The following ZBTB12 variants were observed in gnomAD, a reference collection of about 807,000 sequenced individuals.
ZBTB12 encodes zinc finger and BTB domain containing 12.
In ZBTB12, 1 loss-of-function variant was observed where a neutral mutation model predicts 6.4. The observed-to-expected ratio is 0.16, with a 90% CI of 0.06 to 0.74. The LOEUF (loss-of-function observed/expected upper bound fraction) is 0.74. Among genes scored for constraint, ZBTB12 ranks in the 30% least tolerant of loss-of-function variants. The pLI, the probability that ZBTB12 is intolerant of heterozygous loss-of-function variation, is 0.78. For synonymous variants in ZBTB12, 273 were observed against 262.5 expected (o/e 1.04, Z -0.39); for missense variants, 344 against 613.9 (o/e 0.56, Z 4.65).
chr6:31,900,277 C>T lies in ZBTB12; in HGVS notation c.1029G>A (p.Gln343=), dbSNP rs754946559. 1 of 1,613,388 alleles carries T rather than the reference C, an allele frequency of 6.2e-7. No homozygotes were observed. The highest frequency in any genetic ancestry group is 1.3e-5 in the African/African-American group (1 of 75,034). Residue 343 remains glutamine, a synonymous_variant, in exon 2 of 2, where the codon CAG becomes CAA. Transcript: ENST00000375527. This position sits in a 1 kb window ranked among gnomAD's most constrained non-coding sequence, Gnocchi z 9.7. ...TGTGGAAGACCAGCTTCTCCACGCC[C>T]TGGAACACTTCCGGGCACTTGGTGC... ...IKCTKCPEVF[Q]GVEKLVFHMR... is the part of the protein sequence containing the mutation.
At position 31,901,984 on chromosome 6, in the gene ZBTB12, G is replaced by A. The variant is rs1767351149; in HGVS notation, c.-168C>T. The stretch of plus-strand genomic sequence containing the variant: ...CGCGCGCGCGCGCGGGGCCGGCTCC[G>A]CGTGGGCGTAAGGGGGGAGGGGCGG... On this transcript the variant is annotated 5_prime_UTR_variant, in exon 1 of 2. Transcript: ENST00000375527. 6.7e-6 allele frequency: 1 copy of A among 148,508 alleles called. No homozygotes were observed. Among genetic ancestry groups the A allele is most frequent in the Non-Finnish European group, 1.5e-5 (1 of 66,708 alleles). 9.2% of individuals were successfully genotyped at this position (148,508 alleles called of 1,614,324 possible).
chr6:31,900,936 T>C lies in ZBTB12; in HGVS notation c.370A>G (p.Ser124Gly). ...HVVEKCRNALSQFIEPKIGLK... is the reference protein window; with the variant it reads ...HVVEKCRNALGQFIEPKIGLK... ...CCTATTTTGGGCTCAATGAACTGGC[T>C]GAGGGCATTCCGGCATTTCTCCACC... The change falls in exon 2 of 2, where the codon AGC (serine) becomes GGC (glycine). Residue 124 changes from serine to glycine, a missense_variant. By Grantham distance (56) the Ser-to-Gly change is moderately conservative. This residue lies in a region of ZBTB12 where 241 missense variants were observed against 315.4 expected (regional missense o/e 0.76). Coordinates refer to ENST00000375527, the MANE Select transcript of ZBTB12 (RefSeq NM_181842.3). The surrounding 1 kb of genome is among the most constrained non-coding windows in gnomAD (Gnocchi z 9.7). 1 of 1,614,172 alleles carries C rather than the reference T, an allele frequency of 6.2e-7. No individual in the cohort carries two copies. The highest frequency in any genetic ancestry group is 8.5e-7 in the Non-Finnish European group (1 of 1,180,024).
chr6:31,899,750 C>T lies in ZBTB12; in HGVS notation c.*176G>A. On this transcript the variant is annotated 3_prime_UTR_variant, in exon 2 of 2. Transcript: ENST00000375527. ...TCCCAGCTCCAGATTCTTGCACTCT[C>T]AAGAGCAAGTCTCTCCAAGGAATCA... The T allele has an allele frequency of 1.4e-6, 1 of 698,670 alleles. No individual in the cohort carries two copies. Among genetic ancestry groups the T allele is most frequent in the Non-Finnish European group, 2.3e-6 (1 of 433,160 alleles). 43.3% of individuals were successfully genotyped at this position (698,670 alleles called of 1,614,324 possible). A position where few individuals can be genotyped will look rare whatever the true frequency, so the allele number is the denominator to read the frequency against.
Position 31,901,126 on chromosome 6 carries a change from G to A in ZBTB12, c.180C>T (p.Asp60=). 1 of 1,614,012 alleles carries A rather than the reference G, an allele frequency of 6.2e-7. No individual in the cohort carries two copies. The highest frequency in any genetic ancestry group is 8.5e-7 in the Non-Finnish European group (1 of 1,180,040). The change falls in exon 2 of 2, where the codon GAC becomes GAT. Residue 60 remains aspartate (D), a synonymous_variant. Coordinates refer to ENST00000375527, the MANE Select transcript of ZBTB12 (RefSeq NM_181842.3). ...ILAACSPFLR[D]QFLLNPSSEL... ...CCGAGCTGGGGTTCAGCAGGAACTGGTCCCGCAGGAAGGGTGAGCAGGCGG... is the reference window on the plus strand; with the variant it reads ...CCGAGCTGGGGTTCAGCAGGAACTGATCCCGCAGGAAGGGTGAGCAGGCGG...
intron 1 of ZBTB12, 58 bp from the exon 2 acceptor site, chr6:31,901,383 T>C: frequency 6.9e-7 from 1 of 1,440,146 alleles, no homozygotes; most frequent in Non-Finnish European, 9.2e-7. Context: ...AAGCCAAGGC[T>C]CCAGGACCCT....
chr6:31,900,555 C>G lies in ZBTB12; in HGVS notation c.751G>C (p.Val251Leu). The change falls in exon 2 of 2, where the codon GTT (valine) becomes CTT (leucine). Residue 251 changes from valine to leucine, a missense_variant. Val to Leu is a conservative substitution (Grantham distance 32). This residue lies in a region of ZBTB12 where 241 missense variants were observed against 315.4 expected (regional missense o/e 0.76). Coordinates refer to ENST00000375527, the MANE Select transcript of ZBTB12 (RefSeq NM_181842.3). The surrounding 1 kb of genome is among the most constrained non-coding windows in gnomAD (Gnocchi z 9.7). ...GGTGGGGCTACAGTGCTGGGGGGAA[C>G]GCTGCTCTGGGCCAGCTCCCCAAGG... ...GHLGELAQSSVPPSTVAPPQG... is the reference protein window; with the variant it reads ...GHLGELAQSSLPPSTVAPPQG... The G allele has an allele frequency of 1.2e-6, 2 of 1,611,946 alleles. No homozygotes were observed. The highest frequency in any genetic ancestry group is 1.7e-6 in the Non-Finnish European group (2 of 1,179,706).
intron 1 of ZBTB12, 87 bp downstream of exon 1, chr6:31,901,750 C>G (rs1339646848): frequency 5.1e-6 from 1 of 196,624 alleles, no homozygotes; most frequent in African/African-American, 2.4e-5. Flanking sequence ...CCGCCGCCAG[C>G]ACGCACCGTG....
Position 31,899,895 on chromosome 6 carries a change from C to A in ZBTB12, c.*31G>T. On this transcript the variant is annotated 3_prime_UTR_variant, in exon 2 of 2. Transcript: ENST00000375527. ...GCCCTTTTTCCACGCAGCCCAGGGG[C>A]CCCAGCCTCCTGGCCTCCACGCCTG... The A allele has an allele frequency of 1.3e-6, 2 of 1,536,942 alleles. No individual in the cohort carries two copies. The highest frequency in any genetic ancestry group is 1.7e-6 in the Non-Finnish European group (2 of 1,143,072).
Position 31,900,498 on chromosome 6 carries a change from A to G in ZBTB12, c.808T>C (p.Ser270Pro), listed in dbSNP as rs533707867. 6.5e-5 allele frequency: 105 copies of G among 1,610,270 alleles called. No individual in the cohort carries two copies. In the African/African-American group the frequency reaches 1.3e-3, roughly 20 times the overall value. ...AGGCCCTCCCCTTCTGCATCTTCCG[A>G]CAGGCTATAGCAGGCCTTCACCACA... ...QGVVKACYSL[S>P]EDAEGEGLLL... Residue 270 changes from serine (S) to proline (P), a missense_variant, in exon 2 of 2, where the codon TCG becomes CCG. Physicochemically the swap from Ser to Pro is moderately conservative, Grantham distance 74. Around this residue, in one of 5 missense-constraint regions of ZBTB12, gnomAD observed 241 missense variants for 315.4 expected, o/e 0.76. Transcript: ENST00000375527. The surrounding 1 kb of genome is among the most constrained non-coding windows in gnomAD (Gnocchi z 9.7).
chr6:31,901,090 G>A lies in ZBTB12; in HGVS notation c.216C>T (p.Val72=). 1 of 1,614,166 alleles carries A rather than the reference G, an allele frequency of 6.2e-7. No individual in the cohort carries two copies. The highest frequency in any genetic ancestry group is 8.5e-7 in the Non-Finnish European group (1 of 1,180,052). Residue 72 remains valine, a synonymous_variant, in exon 2 of 2, where the codon GTC becomes GTT. Coordinates refer to ENST00000375527, the MANE Select transcript of ZBTB12 (RefSeq NM_181842.3). ...CGATGCGTGCACTGTGCATCAGGGA[G>A]ACCTGCAGCTCCGAGCTGGGGTTCA... is the stretch of plus-strand genomic sequence containing the variant. The part of the protein sequence containing the change: ...FLLNPSSELQ[V]SLMHSARIVA...
Position 31,902,045 on chromosome 6 carries a change from CGCG to C in ZBTB12, c.-232_-230del, listed in dbSNP as rs753112023. ...TGCCGTGTGTTCCAGGCCCCGCGCG[CGCG>C]GCGGCGGCGGCGTCGGCTAGGACTC... On this transcript the variant is annotated 5_prime_UTR_variant, in exon 1 of 2. Transcript: ENST00000375527. 4.1e-4 allele frequency: 61 copies of C among 150,580 alleles called. No individual in the cohort carries two copies. The highest frequency in any genetic ancestry group is 9.0e-4 in the African/African-American group (37 of 40,968). The allele number at this position is 150,580 out of a possible 1,614,324, so 9.3% of individuals were successfully genotyped here. A position where few individuals can be genotyped will look rare whatever the true frequency, so the allele number is the denominator to read the frequency against.
At position 31,900,438 on chromosome 6, in the gene ZBTB12, C is replaced by T; in HGVS notation, c.868G>A (p.Ala290Thr). Residue 290 changes from alanine to threonine, a missense_variant, in exon 2 of 2, where the codon GCC becomes ACC. Transcript: ENST00000375527. This position sits in a 1 kb window ranked among gnomAD's most constrained non-coding sequence, Gnocchi z 9.7. ...GCTGCTTCCACCAGGCCCGAGGTGG[C>T]CCCCACGCTGGCCCGGCCTCCGGGA... ...LIPGGRASVG[A>T]TSGLVEAAAV... The T allele has an allele frequency of 1.3e-6, 2 of 1,560,284 alleles. No individual in the cohort carries two copies. The highest frequency in any genetic ancestry group is 1.7e-6 in the Non-Finnish European group (2 of 1,153,866).
rs111592556 is a variant in ZBTB12, at chr6:31,902,011, G to C, written c.-195C>G. 1 of 150,040 alleles carries C rather than the reference G, an allele frequency of 6.7e-6. No homozygotes were observed. Among genetic ancestry groups the C allele is most frequent in the African/African-American group, 2.4e-5 (1 of 40,994 alleles). 9.3% of individuals were successfully genotyped at this position (150,040 alleles called of 1,614,324 possible). On this transcript the variant is annotated 5_prime_UTR_variant, in exon 1 of 2. Transcript: ENST00000375527. ...GTGGGCGTAAGGGGGGAGGGGCGGG[G>C]GCGGCTCGTGCCGTGTGTTCCAGGC...
intron 1 of ZBTB12, 79 bp downstream of exon 1, chr6:31,901,757 CG>C (rs1767304532): frequency 5.5e-6 from 1 of 182,740 alleles, no homozygotes; most frequent in Non-Finnish European, 1.2e-5. Context: ...CAGCACGCAC[CG>C]TGCACGCCCT....
chr6:31,900,084 G>A lies in ZBTB12; in HGVS notation c.1222C>T (p.Leu408=). 4 of 1,613,534 alleles carry A rather than the reference G, an allele frequency of 2.5e-6. No homozygotes were observed. Among genetic ancestry groups the A allele is most frequent in the Non-Finnish European group, 3.4e-6 (4 of 1,179,644 alleles). Residue 408 remains leucine, a synonymous_variant, in exon 2 of 2, where the codon CTG becomes TTG. Coordinates refer to ENST00000375527, the MANE Select transcript of ZBTB12 (RefSeq NM_181842.3). This position sits in a 1 kb window ranked among gnomAD's most constrained non-coding sequence, Gnocchi z 9.7. ...QKSTLHDHLN[L]HSGARPYRCS... is the part of the protein sequence containing the mutation. ...CGGTAGGGCCGCGCTCCCGAGTGCA[G>A]GTTGAGGTGGTCGTGAAGGGTGGAC...
In ZBTB12 at chr6:31,900,138, C is replaced by T. The variant is rs1767088168; in HGVS notation, c.1168G>A (p.Gly390Ser). The change falls in exon 2 of 2, where the codon GGC (glycine) becomes AGC (serine). Residue 390 changes from glycine (G) to serine (S), a missense_variant. Gly to Ser is a moderately conservative substitution (Grantham distance 56). This residue lies in a region of ZBTB12 where 21 missense variants were observed against 122.6 expected (regional missense o/e 0.17). Coordinates refer to ENST00000375527, the MANE Select transcript of ZBTB12 (RefSeq NM_181842.3). The surrounding 1 kb of genome is among the most constrained non-coding windows in gnomAD (Gnocchi z 9.7). ...TGTGTGAAGCACTTGCCGCAGATGC[C>T]GCACGAGTGTGACTTGACACCACGA... ...VHRGVKSHSC[G>S]ICGKCFTQKS... The T allele has an allele frequency of 6.2e-7, 1 of 1,614,104 alleles. No individual in the cohort carries two copies. Among genetic ancestry groups the T allele is most frequent in the Admixed American group, 1.7e-5 (1 of 60,038 alleles).
rs1162506454 is a variant in ZBTB12, at chr6:31,902,034, G to C, written c.-218C>G. The C allele has an allele frequency of 1.3e-5, 2 of 150,886 alleles. No homozygotes were observed. Among genetic ancestry groups the C allele is most frequent in the Admixed American group, 6.6e-5 (1 of 15,140 alleles). The allele number at this position is 150,886 out of a possible 1,614,324, so 9.3% of individuals were successfully genotyped here. A position where few individuals can be genotyped will look rare whatever the true frequency, so the allele number is the denominator to read the frequency against. On this transcript the variant is annotated 5_prime_UTR_variant, in exon 1 of 2. Transcript: ENST00000375527. ...GGGGCGGCTCGTGCCGTGTGTTCCA[G>C]GCCCCGCGCGCGCGGCGGCGGCGGC...
In ZBTB12 at chr6:31,900,929, A is replaced by T; in HGVS notation, c.377T>A (p.Phe126Tyr). Residue 126 changes from phenylalanine (F) to tyrosine (Y), a missense_variant, in exon 2 of 2, where the codon TTC becomes TAC. Coordinates refer to ENST00000375527, the MANE Select transcript of ZBTB12 (RefSeq NM_181842.3). The surrounding 1 kb of genome is among the most constrained non-coding windows in gnomAD (Gnocchi z 9.7). ...TTTGAGGCCTATTTTGGGCTCAATG[A>T]ACTGGCTGAGGGCATTCCGGCATTT... ...VEKCRNALSQFIEPKIGLKED... is the reference protein window; with the variant it reads ...VEKCRNALSQYIEPKIGLKED... 1 of 1,614,166 alleles carries T rather than the reference A, an allele frequency of 6.2e-7. No homozygotes were observed. The highest frequency in any genetic ancestry group is 8.5e-7 in the Non-Finnish European group (1 of 1,180,032).
chr6:31,899,890 A>G lies in ZBTB12; in HGVS notation c.*36T>C. On this transcript the variant is annotated 3_prime_UTR_variant, in exon 2 of 2. Coordinates refer to ENST00000375527, the MANE Select transcript of ZBTB12 (RefSeq NM_181842.3). ...AAAGAGCCCTTTTTCCACGCAGCCC[A>G]GGGGCCCCAGCCTCCTGGCCTCCAC... The G allele has an allele frequency of 1.3e-5, 17 of 1,327,438 alleles. No homozygotes were observed. Among genetic ancestry groups the G allele is most frequent in the Non-Finnish European group, 1.6e-5 (16 of 1,012,920 alleles). 82.2% of individuals were successfully genotyped at this position (1,327,438 alleles called of 1,614,324 possible).
Sources: gnomAD v4.1 joint callset for allele counts on GRCh38, gnomAD v4.1.1 for gene constraint, gnomAD v4.1.1 regional missense constraint, Gnocchi (gnomAD v3.1) non-coding constraint, MANE v1.5 for transcripts, NCBI Gene and HGNC (gene_info 2026-07-23, HGNC 2026-07-21) for gene names.